Variants in SPAG16 observed in about 807,000 individuals in gnomAD.
SPAG16 encodes sperm-associated antigen 16 protein.
In SPAG16, 86 loss-of-function variants were observed where a neutral mutation model predicts 80.4. The ratio of observed to expected loss-of-function variants is 1.07; its 90% CI spans 0.90 to 1.28. The LOEUF (loss-of-function observed/expected upper bound fraction) is 1.28. SPAG16 is among the 50% of genes most tolerant of loss of function. The pLI, the probability that SPAG16 is intolerant of heterozygous loss-of-function variation, is 0.00. For synonymous variants in SPAG16, 294 were observed against 265.9 expected, an observed-to-expected ratio of 1.11 and a Z score of -1.03; for missense variants, 870 against 765.3, an observed-to-expected ratio of 1.14 and a Z score of -1.61.
intron 10 of SPAG16, among the ~76,000 whole-genome samples, chr2:213,593,244 G>A (rs1280543129): frequency 6.6e-6 from 1 of 152,062 alleles, no homozygotes; most frequent in Non-Finnish European, 1.5e-5. Context: ...TAATACCCCT[G>A]TCAGATTGAA....
At chr2:213,947,361 A>G (rs1227418229) in intron 12 of SPAG16, among the ~76,000 whole-genome samples, 2 of 152,138 alleles carry the variant, frequency 1.3e-5, no homozygotes, top group South Asian at 2.1e-4. Context: ...ATTTATTACT[A>G]TCAGTATTTC....
chr2:214,039,821 G>A lies in SPAG16; in HGVS notation c.1527+25744G>A, dbSNP rs1367460794. On this transcript the variant is annotated intron_variant, in intron 13 of 15. Coordinates refer to ENST00000331683, the MANE Select transcript of SPAG16 (RefSeq NM_024532.5). The stretch of plus-strand genomic sequence containing the variant: ...CACATGAAGCTGGCCATACCACAGT[G>A]AGATAGAGTTATTACTCAAACAACC... Among the ~76,000 whole-genome samples, 6 of 152,332 alleles carry A rather than the reference G, an allele frequency of 3.9e-5. No individual in the cohort carries two copies. The East Asian group carries it at 9.6e-4, about 24-fold the overall frequency.
intron 15 of SPAG16, among the ~76,000 whole-genome samples, chr2:214,323,429 T>C (rs1209748786): frequency 6.6e-6 from 1 of 152,102 alleles, no homozygotes; most frequent in East Asian, 1.9e-4. Context: ...AAGTATTAGG[T>C]CATATTTATC....
At chr2:213,713,467 T>G (rs1382245772) in intron 10 of SPAG16, among the ~76,000 whole-genome samples, 2 of 152,182 alleles carry the variant, frequency 1.3e-5, no homozygotes, top group East Asian at 1.9e-4. Flanking sequence ...GAATCACTTC[T>G]TAGGAATAAC....
chr2:214,249,318 T>A (rs530426891), intron 15 of SPAG16, among the ~76,000 whole-genome samples: 1 of 152,228 alleles, frequency 6.6e-6, no homozygotes, highest in African/African-American at 2.4e-5. Flanking sequence ...AAAATGCATT[T>A]TCAAATTCAA....
rs751088659 is a variant in SPAG16, at chr2:213,661,694, TTTTGTTTAAAAG to T, written c.1070+171612_1070+171623del. ...AATTTCCTTCATCACTCATTTTGTC[TTTTGTTTAAAAG>T]TTTGTTTTAAAAAGCACAGCATTTT... On this transcript the variant is annotated intron_variant, in intron 10 of 15. Coordinates refer to ENST00000331683, the MANE Select transcript of SPAG16 (RefSeq NM_024532.5). 4.9e-4 allele frequency among the ~76,000 whole-genome samples: 74 copies of T among 152,244 alleles called. 1 individual carries two copies. Among genetic ancestry groups the T allele is most frequent in the Non-Finnish European group, 8.5e-4 (58 of 68,030 alleles).
At chr2:213,500,127 C>T (rs1011457223) in intron 10 of SPAG16, among the ~76,000 whole-genome samples, 1 of 152,104 alleles carries the variant, frequency 6.6e-6, no homozygotes, top group Non-Finnish European at 1.5e-5. Context: ...ATATCATTCT[C>T]CATTTGGGGA....
intron 15 of SPAG16, among the ~76,000 whole-genome samples, chr2:214,349,465 A>G (rs1698266846): frequency 6.6e-6 from 1 of 152,212 alleles, no homozygotes; most frequent in Non-Finnish European, 1.5e-5. Context: ...AATATATTAT[A>G]GTCTGTTTAT....
At chr2:214,288,650 G>A (rs1693560885) in intron 15 of SPAG16, among the ~76,000 whole-genome samples, 1 of 151,942 alleles carries the variant, frequency 6.6e-6, no homozygotes, top group Non-Finnish European at 1.5e-5. Flanking sequence ...ATATCTCATT[G>A]TGGTTTTAAT....
chr2:213,954,637 G>A (rs993611411), intron 12 of SPAG16, among the ~76,000 whole-genome samples: 2 of 152,050 alleles, frequency 1.3e-5, no homozygotes, highest in African/African-American at 4.8e-5. Flanking sequence ...CATACATTAG[G>A]TTGGACATAT....
intron 2 of SPAG16, chr2:213,297,061 G>C (rs1041567085): frequency 2.1e-6 from 3 of 1,407,358 alleles, no homozygotes; most frequent in Middle Eastern, 3.8e-4. Flanking sequence ...GAATTTATTA[G>C]AAGTGACGTT....
chr2:213,574,707 A>T (rs1455179361), intron 10 of SPAG16, among the ~76,000 whole-genome samples: 1 of 148,432 alleles, frequency 6.7e-6, no homozygotes, highest in African/African-American at 2.5e-5. Flanking sequence ...TATATGATAT[A>T]TGATATATAT....
chr2:213,977,087 AT>A (rs1351430931), intron 12 of SPAG16, among the ~76,000 whole-genome samples: 2 of 152,056 alleles, frequency 1.3e-5, no homozygotes, highest in African/African-American at 4.8e-5. Flanking sequence ...CTTTTGCTAT[AT>A]TATGTTGGTC....
chr2:213,579,402 T>C (rs2060228864), intron 10 of SPAG16, among the ~76,000 whole-genome samples: 2 of 152,170 alleles, frequency 1.3e-5, no homozygotes, highest in African/African-American at 2.4e-5. Flanking sequence ...TCCTGTTTTA[T>C]AACAATAGTT....
chr2:214,110,942 T>C (rs1346059661), intron 14 of SPAG16, among the ~76,000 whole-genome samples: 3 of 152,198 alleles, frequency 2.0e-5, no homozygotes, highest in Non-Finnish European at 2.9e-5. Context: ...TTTTGAGAAG[T>C]GTCTGTTCAT....
chr2:213,548,479 G>A (rs2076685981), intron 10 of SPAG16, among the ~76,000 whole-genome samples: 1 of 152,164 alleles, frequency 6.6e-6, no homozygotes, highest in African/African-American at 2.4e-5. Context: ...CCAAAGTGCT[G>A]GGATTATAGG....
chr2:214,274,925 C>A (rs189873861), intron 15 of SPAG16, among the ~76,000 whole-genome samples: 77 of 152,260 alleles, frequency 5.1e-4, no homozygotes, highest in African/African-American at 1.7e-3. Flanking sequence ...CCATCTGGTC[C>A]TAAACTTTTT....
chr2:213,745,283 C>A (rs1438879508), intron 10 of SPAG16, among the ~76,000 whole-genome samples: 2 of 152,072 alleles, frequency 1.3e-5, no homozygotes, highest in Non-Finnish European at 2.9e-5. Flanking sequence ...GTTCTTGTTG[C>A]CCAGGCTGGA....
At chr2:213,935,056 C>T (rs2078930203) in intron 12 of SPAG16, among the ~76,000 whole-genome samples, 2 of 151,560 alleles carry the variant, frequency 1.3e-5, no homozygotes, top group Admixed American at 1.3e-4. Context: ...CAAAAAATTA[C>T]CTGGGCGTGG....
Sources: allele counts gnomAD v4.1 joint callset (sites outside exome capture counted in the v4.1 genomes callset), GRCh38; gene constraint gnomAD v4.1.1; transcripts MANE v1.5; gene names NCBI Gene and HGNC (gene_info 2026-07-23, HGNC 2026-07-21).